Variants in METTL25 observed in about 807,000 individuals in gnomAD.
The protein encoded by METTL25 is methyltransferase like 25.
In METTL25, 64 loss-of-function variants were observed where a neutral mutation model predicts 71.6. The ratio of observed to expected loss-of-function variants is 0.89; its 90% CI spans 0.73 to 1.10. The LOEUF is 1.10. Among genes scored for constraint, METTL25 ranks in the 50% least tolerant of loss-of-function variants. The pLI is 0.00. For synonymous variants in METTL25, 287 were observed against 250.3 expected (o/e 1.15, Z -1.38); for missense variants, 807 against 707.0 (o/e 1.14, Z -1.60).
chr12:82,411,737 C>G (rs534357913), intron 5 of METTL25, among the ~76,000 whole-genome samples: 2 of 152,054 alleles, frequency 1.3e-5, no homozygotes, highest in South Asian at 2.1e-4. Flanking sequence ...AGTTTATATT[C>G]CATCAACCAC....
chr12:82,442,493 A>G (rs1296128369), intron 8 of METTL25, among the ~76,000 whole-genome samples: 6 of 152,304 alleles, frequency 3.9e-5, no homozygotes, highest in Non-Finnish European at 5.9e-5. Flanking sequence ...GTTATATACC[A>G]TATGATTCTA....
At chr12:82,392,071 T>TA (rs1030482743) in intron 3 of METTL25, among the ~76,000 whole-genome samples, 1 of 149,808 alleles carries the variant, frequency 6.7e-6, no homozygotes, top group African/African-American at 2.4e-5. Flanking sequence ...CCATTTTTAT[T>TA]TTTTTATTTT....
chr12:82,398,878 T>G lies in METTL25; in HGVS notation c.615T>G (p.Ser205=), dbSNP rs1886324931. Residue 205 remains serine, a synonymous_variant, in exon 4 of 12, where the codon TCT becomes TCG. Transcript: ENST00000248306. ...KYGLKVYGID[S]SNTNTHGAEE... ...GCTTAAAAGTTTATGGAATTGATTC[T>G]TCAAATACCAATACTCATGGAGCTG... The G allele has an allele frequency of 1.9e-6, 3 of 1,606,376 alleles. No homozygotes were observed.
chr12:82,434,560 T>C (rs112173029), intron 6 of METTL25, 135 bp from the exon 7 acceptor site: 39 of 687,678 alleles, frequency 5.7e-5, no homozygotes, highest in African/African-American at 5.2e-4. Context: ...ATTAACACTG[T>C]TAAGTGCATA....
At chr12:82,463,044 A>G (rs768180747) in intron 9 of METTL25, among the ~76,000 whole-genome samples, 3 of 152,056 alleles carry the variant, frequency 2.0e-5, no homozygotes, top group South Asian at 2.1e-4. Flanking sequence ...CATATCCATC[A>G]TCTCAAACAT....
At position 82,477,315 on chromosome 12, in the gene METTL25, T is replaced by C; in HGVS notation, c.1682T>C (p.Leu561Ser). 1 of 1,576,802 alleles carries C rather than the reference T, an allele frequency of 6.3e-7. No individual in the cohort carries two copies. Among genetic ancestry groups the C allele is most frequent in the Non-Finnish European group, 8.6e-7 (1 of 1,161,914 alleles). ...KVVLAPCIET[L>S]ILLDRLCYLK... ...GTACTGGCTCCCTGTATAGAGACTT[T>C]GATTCTTCTGGATCGACTTTGTTAC... The change falls in exon 11 of 12, where the codon TTG (leucine) becomes TCG (serine). Residue 561 changes from leucine (L) to serine (S), a missense_variant. Coordinates refer to ENST00000248306, the MANE Select transcript of METTL25 (RefSeq NM_032230.3).
intron 6 of METTL25, among the ~76,000 whole-genome samples, chr12:82,431,734 A>G (rs1479869921): frequency 1.3e-5 from 2 of 151,618 alleles, no homozygotes; most frequent in Non-Finnish European, 1.5e-5. Context: ...ATGTCCCAAT[A>G]AACCCTTCAT....
At chr12:82,442,103 G>A (rs576796065) in intron 8 of METTL25, among the ~76,000 whole-genome samples, 1 of 152,014 alleles carries the variant, frequency 6.6e-6, no homozygotes, top group African/African-American at 2.4e-5. Flanking sequence ...TACTAGGGTG[G>A]TTGGTATCAA....
At chr12:82,462,223 G>T (rs1296052988) in intron 9 of METTL25, among the ~76,000 whole-genome samples, 4 of 152,118 alleles carry the variant, frequency 2.6e-5, no homozygotes, top group Non-Finnish European at 5.9e-5. Context: ...AGTTGAAGAG[G>T]CTCTCACTGG....
chr12:82,472,593 G>A lies in METTL25; in HGVS notation c.1573-4051G>A, dbSNP rs560950894. 8.5e-5 allele frequency among the ~76,000 whole-genome samples: 13 copies of A among 152,084 alleles called. No homozygotes were observed. The South Asian group carries it at 1.2e-3, about 15-fold the overall frequency. On this transcript the variant is annotated intron_variant, in intron 9 of 11. Coordinates refer to ENST00000248306, the MANE Select transcript of METTL25 (RefSeq NM_032230.3). ...AGCCTGGGCAATAGAGTGAGACTCC[G>A]TCTCGAAAAAAAATTATTCTGCTTG...
intron 3 of METTL25, among the ~76,000 whole-genome samples, chr12:82,393,616 T>C (rs913439662): frequency 6.6e-6 from 1 of 152,064 alleles, no homozygotes; most frequent in Non-Finnish European, 1.5e-5. Context: ...TTTATATCTT[T>C]CTCTTGCCTG....
chr12:82,463,249 C>G (rs1423796335), intron 9 of METTL25, among the ~76,000 whole-genome samples: 1 of 152,008 alleles, frequency 6.6e-6, no homozygotes, highest in East Asian at 1.9e-4. Flanking sequence ...TTCCAAGCCT[C>G]TGGGATCCTC....
chr12:82,392,538 C>CGAATGGGT (rs1885692075), intron 3 of METTL25, among the ~76,000 whole-genome samples: 1 of 151,948 alleles, frequency 6.6e-6, no homozygotes, highest in Admixed American at 6.6e-5. Flanking sequence ...GATCCCTTGT[C>CGAATGGGT]GAATGGGTAG....
intron 5 of METTL25, among the ~76,000 whole-genome samples, chr12:82,405,241 T>G (rs1390925404): frequency 6.6e-6 from 1 of 152,176 alleles, no homozygotes; most frequent in African/African-American, 2.4e-5. Context: ...CACACTCTTT[T>G]CTGCACAGTT....
intron 6 of METTL25, among the ~76,000 whole-genome samples, chr12:82,432,327 C>T (rs1306732163): frequency 6.6e-6 from 1 of 151,582 alleles, no homozygotes; most frequent in Non-Finnish European, 1.5e-5. Context: ...TTGTCTTGTT[C>T]TCTCACTCTC....
In METTL25 at chr12:82,423,457, A is replaced by T. The variant is rs189115596; in HGVS notation, c.1280-7436A>T. 3.3e-5 allele frequency among the ~76,000 whole-genome samples: 5 copies of T among 152,378 alleles called. No homozygotes were observed. In the East Asian group the frequency reaches 9.6e-4, roughly 29 times the overall value. On this transcript the variant is annotated intron_variant, in intron 5 of 11. Transcript: ENST00000248306. ...AAAAACCCTAGAGGAAAACCTAGGC[A>T]ATACCATTCAGGACATAGGCATGGG...
chr12:82,473,020 A>G (rs1363131228), intron 9 of METTL25, among the ~76,000 whole-genome samples: 1 of 151,972 alleles, frequency 6.6e-6, no homozygotes, highest in Non-Finnish European at 1.5e-5. Context: ...TGGGTGGGGT[A>G]CATTTGCTGT....
At chr12:82,372,622 G>A (rs1475777038) in intron 1 of METTL25, among the ~76,000 whole-genome samples, 2 of 152,136 alleles carry the variant, frequency 1.3e-5, no homozygotes, top group African/African-American at 4.8e-5. Context: ...ATCAGAGAGA[G>A]AATATTGGGG....
intron 8 of METTL25, among the ~76,000 whole-genome samples, chr12:82,450,695 A>G (rs537704933): frequency 2.0e-5 from 3 of 151,286 alleles, no homozygotes; most frequent in African/African-American, 7.3e-5. Context: ...CCTCATTTCT[A>G]CTCTTCCTTT....
Sources: allele counts gnomAD v4.1 joint callset (sites outside exome capture counted in the v4.1 genomes callset), GRCh38; gene constraint gnomAD v4.1.1; transcripts MANE v1.5; gene names NCBI Gene and HGNC (gene_info 2026-07-23, HGNC 2026-07-21).